Variants in BANP observed in about 807,000 individuals in gnomAD.
The protein encoded by BANP is BTG3 associated nuclear protein.
BANP carries 11 observed loss-of-function variants against 68.1 expected under a neutral mutation model. That is an observed-to-expected ratio of 0.16 (90% CI 0.10 to 0.27). The LOEUF (loss-of-function observed/expected upper bound fraction) is 0.27. Ranked by LOEUF, BANP falls within the 10% of genes least tolerant of loss-of-function variation. The pLI, the probability that BANP is intolerant of heterozygous loss-of-function variation, is 1.00. For synonymous variants in BANP, 329 were observed against 303.2 expected (o/e 1.09, Z -0.88); for missense variants, 504 against 722.7 (o/e 0.70, Z 3.47).
At position 88,072,417 on chromosome 16, in the gene BANP, A is replaced by C. The variant is rs572721583; in HGVS notation, c.1521+205A>C. Among the ~76,000 whole-genome samples the C allele has an allele frequency of 6.1e-3, 930 of 152,328 alleles. 10 individuals carry two copies. Among genetic ancestry groups the C allele is most frequent in the African/African-American group, 0.021 (857 of 41,584 alleles). On this transcript the variant is annotated intron_variant, in intron 13 of 13. Coordinates refer to ENST00000682872, the MANE Select transcript of BANP (RefSeq NM_001386991.1). ...GAAGGTAGATCCTGCCCCAGTTCCAAATTCCAACTGATTCTTGAGACTGTC... is the reference window on the plus strand; with the variant it reads ...GAAGGTAGATCCTGCCCCAGTTCCACATTCCAACTGATTCTTGAGACTGTC...
chr16:87,990,907 C>T (rs1320475685), intron 4 of BANP, among the ~76,000 whole-genome samples: 3 of 152,168 alleles, frequency 2.0e-5, no homozygotes, highest in East Asian at 1.9e-4. Context: ...GGACTACAGG[C>T]GCCCGTCACC....
intron 3 of BANP, chr16:87,982,834 A>T (rs532313491): frequency 9.9e-4 from 150 of 152,208 alleles, no homozygotes; most frequent in African/African-American, 3.4e-3. Context: ...CAGCTACATG[A>T]TGTATGATAT....
chr16:87,988,767 G>C (rs2065119996), intron 4 of BANP, among the ~76,000 whole-genome samples: 2 of 152,210 alleles, frequency 1.3e-5, no homozygotes, highest in South Asian at 4.1e-4. Flanking sequence ...CCCCCGGAGA[G>C]AGTGCGAGAA....
intron 8 of BANP, among the ~76,000 whole-genome samples, chr16:88,032,765 T>C (rs1402429036): frequency 6.6e-6 from 1 of 152,226 alleles, no homozygotes; most frequent in Non-Finnish European, 1.5e-5. Context: ...GCTCTATTAG[T>C]TTAATTACCC....
In BANP at chr16:87,956,296, A is replaced by T. The variant is rs561026072; in HGVS notation, c.-69+4781A>T. ...ATTTTGAAGGAAAGACTTCTTGGGG[A>T]AAGTCAATTTGAGGGTTTGAATGAG... On this transcript the variant is annotated intron_variant, in intron 1 of 13. Coordinates refer to ENST00000682872, the MANE Select transcript of BANP (RefSeq NM_001386991.1). 2.0e-4 allele frequency among the ~76,000 whole-genome samples: 31 copies of T among 152,336 alleles called. No individual in the cohort carries two copies. In the South Asian group the frequency reaches 6.4e-3, roughly 32 times the overall value.
intron 1 of BANP, among the ~76,000 whole-genome samples, chr16:87,963,224 G>T (rs1474076156): frequency 6.6e-6 from 1 of 152,154 alleles, no homozygotes; most frequent in Admixed American, 6.5e-5. Context: ...GTCCCTTCTT[G>T]TCACTTTACT....
chr16:88,001,407 C>T (rs2069296813), intron 4 of BANP, among the ~76,000 whole-genome samples: 1 of 152,278 alleles, frequency 6.6e-6, no homozygotes, highest in Non-Finnish European at 1.5e-5. Flanking sequence ...CATGCACATA[C>T]ATGCGCAGCT....
intron 6 of BANP, among the ~76,000 whole-genome samples, chr16:88,015,345 C>T (rs578164838): frequency 6.6e-6 from 1 of 152,134 alleles, no homozygotes; most frequent in South Asian, 2.1e-4. Flanking sequence ...GTCCCTCTGC[C>T]AGTCCCCTCT....
In BANP at chr16:88,076,461, CA is replaced by C. The variant is rs2091640289; in HGVS notation, c.1522-128del. 7 of 753,684 alleles carry C rather than the reference CA, an allele frequency of 9.3e-6. No individual in the cohort carries two copies. In the South Asian group the frequency reaches 1.3e-4, roughly 14 times the overall value. 46.7% of individuals were successfully genotyped at this position (753,684 alleles called of 1,614,324 possible). ...CAAGTCGGGTGAGCCTTGGGGCCGT[CA>C]GGGCTCCTTCGCGCTCCTGTGTGCG... is the stretch of plus-strand genomic sequence containing the variant. On this transcript the variant is annotated intron_variant, in intron 13 of 13. Transcript: ENST00000682872.
At chr16:88,070,682 G>A (rs2090081503) in intron 12 of BANP, among the ~76,000 whole-genome samples, 1 of 152,124 alleles carries the variant, frequency 6.6e-6, no homozygotes, top group Admixed American at 6.5e-5. Context: ...CCAGCACGTG[G>A]GGGGCCTGCA....
At chr16:88,062,894 G>A (rs1215240939) in intron 11 of BANP, among the ~76,000 whole-genome samples, 2 of 152,218 alleles carry the variant, frequency 1.3e-5, no homozygotes, top group African/African-American at 4.8e-5. Context: ...ACCGGCAGCA[G>A]CATCAACTGC....
At chr16:87,985,519 G>A (rs1387964607) in intron 4 of BANP, among the ~76,000 whole-genome samples, 1 of 151,924 alleles carries the variant, frequency 6.6e-6, no homozygotes. Context: ...GTTTTTTGGG[G>A]TAATGTCCTC....
At chr16:88,020,165 C>T (rs1358982112) in intron 7 of BANP, among the ~76,000 whole-genome samples, 2 of 152,234 alleles carry the variant, frequency 1.3e-5, no homozygotes, top group East Asian at 3.9e-4. Context: ...CCTCAGCCTT[C>T]TTCTGAAGGG....
rs367726546 is a variant in BANP at position 87,956,189 on chromosome 16, A to G, written c.-69+4674A>G. On this transcript the variant is annotated intron_variant, in intron 1 of 13. Coordinates refer to ENST00000682872, the MANE Select transcript of BANP (RefSeq NM_001386991.1). The stretch of plus-strand genomic sequence containing the variant: ...CGATTAAGTGATTGACATGACATGG[A>G]GTCGCAAGGCTGACTTGAAAATGAC... 1.3e-3 allele frequency among the ~76,000 whole-genome samples: 193 copies of G among 152,362 alleles called. 1 individual carries two copies. Among genetic ancestry groups the G allele is most frequent in the African/African-American group, 4.6e-3 (191 of 41,586 alleles).
At chr16:88,048,193 A>G (rs1259970454) in intron 11 of BANP, among the ~76,000 whole-genome samples, 1 of 152,258 alleles carries the variant, frequency 6.6e-6, no homozygotes, top group Non-Finnish European at 1.5e-5. Flanking sequence ...TTAAAATAGC[A>G]AGAGGTACAT....
At chr16:88,026,343 G>C (rs1430083376) in intron 7 of BANP, among the ~76,000 whole-genome samples, 1 of 152,226 alleles carries the variant, frequency 6.6e-6, no homozygotes, top group Non-Finnish European at 1.5e-5. Flanking sequence ...GCACGATAGA[G>C]AGGCGTCGGG....
At chr16:88,014,914 G>A (rs572345235) in intron 6 of BANP, among the ~76,000 whole-genome samples, 68 of 152,224 alleles carry the variant, frequency 4.5e-4, no homozygotes, top group Non-Finnish European at 8.4e-4. Context: ...TTTAAAGACA[G>A]TGGGTCTCAC....
intron 1 of BANP, among the ~76,000 whole-genome samples, chr16:87,954,311 T>C (rs2057605158): frequency 6.6e-6 from 1 of 152,222 alleles, no homozygotes; most frequent in Non-Finnish European, 1.5e-5. Flanking sequence ...GTGCCTCATC[T>C]CCATGACTCT....
intron 11 of BANP, among the ~76,000 whole-genome samples, chr16:88,054,490 A>G (rs1436844435): frequency 6.6e-6 from 1 of 151,956 alleles, no homozygotes; most frequent in African/African-American, 2.4e-5. Context: ...CAACACATCT[A>G]TCACAGCATG....
Sources: allele counts gnomAD v4.1 joint callset (sites outside exome capture counted in the v4.1 genomes callset), GRCh38; gene constraint gnomAD v4.1.1; transcripts MANE v1.5; gene names NCBI Gene and HGNC (gene_info 2026-07-23, HGNC 2026-07-21).